Variants in ARPP21 observed in about 807,000 individuals in gnomAD.
ARPP21 encodes the protein cAMP-regulated phosphoprotein 21.
ARPP21 carries 69 observed loss-of-function variants against 113.2 expected under a neutral mutation model. The ratio of observed to expected loss-of-function variants is 0.61; its 90% CI spans 0.50 to 0.74. ARPP21 has a LOEUF of 0.74. Among genes scored for constraint, ARPP21 ranks in the 30% least tolerant of loss-of-function variants. The probability of loss-of-function intolerance (pLI) is 0.00; values close to 1 mark genes in which losing one functional copy is unlikely to be tolerated. For missense variants in ARPP21, 1,070 were observed against 1,037.4 expected (o/e 1.03, Z -0.43); for synonymous variants, 368 against 375.5 (o/e 0.98, Z 0.23).
At chr3:35,773,955 T>C (rs994077637) in intron 19 of ARPP21, among the ~76,000 whole-genome samples, 1 of 152,170 alleles carries the variant, frequency 6.6e-6, no homozygotes, top group Non-Finnish European at 1.5e-5. Context: ...GGACACATTT[T>C]AATCAGACAC....
chr3:35,718,658 A>C (rs558210068), intron 13 of ARPP21, among the ~76,000 whole-genome samples: 4 of 152,300 alleles, frequency 2.6e-5, no homozygotes, highest in Admixed American at 1.3e-4. Context: ...CATTCACACA[A>C]TTGTAAAAGC....
chr3:35,732,788 G>A (rs1269815155), intron 15 of ARPP21, among the ~76,000 whole-genome samples: 2 of 152,166 alleles, frequency 1.3e-5, no homozygotes. Context: ...TTTTAGAGCT[G>A]TTCTCTTTCA....
At chr3:35,682,986 G>C in intron 4 of ARPP21, 97 bp downstream of exon 4, 1 of 1,219,252 alleles carries the variant, frequency 8.2e-7, no homozygotes. Flanking sequence ...TCAGATGATT[G>C]TGTCCAGATA....
At chr3:35,748,558 T>C (rs1292153094) in intron 19 of ARPP21, among the ~76,000 whole-genome samples, 1 of 152,124 alleles carries the variant, frequency 6.6e-6, no homozygotes, top group Non-Finnish European at 1.5e-5. Context: ...GGCTTGTTTA[T>C]AAAAAGACTG....
chr3:35,684,779 T>C (rs2080054688), intron 5 of ARPP21: 4 of 985,230 alleles, frequency 4.1e-6, no homozygotes, highest in South Asian at 4.7e-5. Context: ...AAATTCCTAA[T>C]AGATTTTGTC....
chr3:35,708,919 T>C, intron 10 of ARPP21, 50 bp from the exon 11 acceptor site: 2 of 1,315,778 alleles, frequency 1.5e-6, no homozygotes, highest in Admixed American at 1.7e-5. Flanking sequence ...AACCACAGAT[T>C]TCTAACAACG....
At chr3:35,749,242 T>A (rs2095309286) in intron 19 of ARPP21, among the ~76,000 whole-genome samples, 1 of 152,016 alleles carries the variant, frequency 6.6e-6, no homozygotes, top group Non-Finnish European at 1.5e-5. Context: ...GTAGAGATGA[T>A]CAATAACAAC....
intron 19 of ARPP21, among the ~76,000 whole-genome samples, chr3:35,780,928 G>A (rs982045280): frequency 2.6e-5 from 4 of 152,190 alleles, no homozygotes; most frequent in Middle Eastern, 3.4e-3. Flanking sequence ...GTGGCAAGCA[G>A]TGATAATCCA....
intron 5 of ARPP21, 185 bp downstream of exon 5, chr3:35,684,000 A>G (rs1243093269): frequency 6.7e-7 from 1 of 1,494,646 alleles, no homozygotes; most frequent in Admixed American, 1.7e-5. Context: ...GTCACAGAGT[A>G]TTAAATTTGT....
At position 35,793,825 on chromosome 3, in the gene ARPP21, C is replaced by T. The variant is rs750882749; in HGVS notation, c.2411C>T (p.Thr804Ile). 44 of 1,614,090 alleles carry T rather than the reference C, an allele frequency of 2.7e-5. No homozygotes were observed. Among genetic ancestry groups the T allele is most frequent in the Non-Finnish European group, 3.6e-5 (43 of 1,180,052 alleles). The change falls in exon 21 of 21, where the codon ACA (threonine) becomes ATA (isoleucine). Residue 804 changes from threonine (T) to isoleucine (I), a missense_variant. Thr to Ile is a moderately conservative substitution (Grantham distance 89). Coordinates refer to ENST00000684406, the MANE Select transcript of ARPP21 (RefSeq NM_001385562.1). ...GGAATGCCTGTTTACTGTAATGTCA[C>T]ACCGCCCACCCCTCAGAACAACCTT... is the stretch of plus-strand genomic sequence containing the variant. ...ATGMPVYCNVTPPTPQNNLRL... is the reference protein window; with the variant it reads ...ATGMPVYCNVIPPTPQNNLRL...
chr3:35,660,910 G>C (rs779981105), intron 1 of ARPP21, among the ~76,000 whole-genome samples: 63 of 152,184 alleles, frequency 4.1e-4, no homozygotes, highest in Non-Finnish European at 7.9e-4. Flanking sequence ...TCACTGCTTA[G>C]CATACTTACT....
chr3:35,679,983 G>C (rs2078440260), intron 2 of ARPP21, 23 bp downstream of exon 2: 1 of 152,260 alleles, frequency 6.6e-6, no homozygotes, highest in South Asian at 2.1e-4. Context: ...TTGTCTGGCT[G>C]TCATCTCATC....
chr3:35,695,428 A>G, intron 9 of ARPP21, among the ~76,000 whole-genome samples: 1 of 151,582 alleles, frequency 6.6e-6, no homozygotes, highest in East Asian at 1.9e-4. Context: ...GATGGGATTC[A>G]TGTCCTCAAA....
At chr3:35,721,473 T>G (rs2093064543) in intron 13 of ARPP21, 132 bp from the exon 14 acceptor site, 3 of 621,598 alleles carry the variant, frequency 4.8e-6, no homozygotes, top group Non-Finnish European at 8.7e-6. Flanking sequence ...AGGCAACTGG[T>G]TTAATGAAAA....
intron 1 of ARPP21, among the ~76,000 whole-genome samples, chr3:35,669,610 A>C (rs1323400449): frequency 2.0e-5 from 3 of 152,156 alleles, no homozygotes; most frequent in Non-Finnish European, 4.4e-5. Flanking sequence ...TCCATTTGTC[A>C]TAGGAATGCC....
intron 19 of ARPP21, among the ~76,000 whole-genome samples, chr3:35,753,183 A>T (rs576344435): frequency 6.6e-6 from 1 of 151,984 alleles, no homozygotes; most frequent in African/African-American, 2.4e-5. Flanking sequence ...TTGTGTGAAT[A>T]TTTAAAAGGC....
In ARPP21 at chr3:35,751,057, A is replaced by C. The variant is rs530944745; in HGVS notation, c.2137+7092A>C. ...CAATCTGCCTTCCTAATAGACCAGG[A>C]GGGTCTATATTCTTGAATGCCGTGA... is the stretch of plus-strand genomic sequence containing the variant. On this transcript the variant is annotated intron_variant, in intron 19 of 20. Coordinates refer to ENST00000684406, the MANE Select transcript of ARPP21 (RefSeq NM_001385562.1). Among the ~76,000 whole-genome samples, 6 of 152,312 alleles carry C rather than the reference A, an allele frequency of 3.9e-5. No homozygotes were observed. In the South Asian group the frequency reaches 1.0e-3, roughly 26 times the overall value.
intron 11 of ARPP21, among the ~76,000 whole-genome samples, chr3:35,709,365 A>T (rs1158644124): frequency 2.0e-5 from 3 of 152,126 alleles, no homozygotes; most frequent in African/African-American, 7.2e-5. Flanking sequence ...GATTTGAAGA[A>T]ATGCCTTCAC....
chr3:35,762,405 T>C (rs2095815989), intron 19 of ARPP21, among the ~76,000 whole-genome samples: 1 of 152,104 alleles, frequency 6.6e-6, no homozygotes, highest in Admixed American at 6.6e-5. Flanking sequence ...ATCAATAAAA[T>C]TGACAACTAG....
Sources: gnomAD v4.1 joint callset for allele counts (sites outside exome capture counted in the v4.1 genomes callset) on GRCh38, gnomAD v4.1.1 for gene constraint, MANE v1.5 for transcripts, NCBI Gene and HGNC (gene_info 2026-07-23, HGNC 2026-07-21) for gene names.